TAOK3: variants seen among roughly 807,000 people sequenced by gnomAD.
The protein encoded by TAOK3 is TAO kinase 3.
TAOK3 carries 40 observed loss-of-function variants against 120.4 expected under a neutral mutation model. That is an observed-to-expected ratio of 0.33 (90% CI 0.26 to 0.43). TAOK3 has a LOEUF of 0.43. Ranked by LOEUF, TAOK3 falls within the 20% of genes least tolerant of loss-of-function variation. The pLI is 1.00. For synonymous variants in TAOK3, 355 were observed against 387.5 expected, an observed-to-expected ratio of 0.92 and a Z score of 0.99; for missense variants, 821 against 1,112.1, an observed-to-expected ratio of 0.74 and a Z score of 3.72.
intron 1 of TAOK3, among the ~76,000 whole-genome samples, chr12:118,279,835 C>T (rs1307263799): frequency 5.3e-5 from 8 of 150,808 alleles, no homozygotes; most frequent in Admixed American, 3.3e-4. Context: ...CTTTGATCTC[C>T]GCTTACTGCA....
intron 1 of TAOK3, among the ~76,000 whole-genome samples, chr12:118,308,338 CG>C (rs1436351427): frequency 2.6e-5 from 4 of 151,852 alleles, no homozygotes; most frequent in African/African-American, 9.7e-5. Flanking sequence ...AGCAACCCCC[CG>C]GGGCTGCTCT....
At chr12:118,197,805 A>G (rs772205121) in intron 13 of TAOK3, among the ~76,000 whole-genome samples, 21 of 145,870 alleles carry the variant, frequency 1.4e-4, no homozygotes, top group Non-Finnish European at 1.2e-4. Flanking sequence ...CTCCTGCCTC[A>G]GCCTCCCGAG....
chr12:118,305,860 G>A (rs1181284614), intron 1 of TAOK3, among the ~76,000 whole-genome samples: 2 of 142,474 alleles, frequency 1.4e-5, no homozygotes, highest in Non-Finnish European at 3.0e-5. Context: ...CTGAGATCAC[G>A]CCACTGCACT....
intron 3 of TAOK3, among the ~76,000 whole-genome samples, chr12:118,245,427 C>T (rs562706119): frequency 1.3e-5 from 2 of 152,272 alleles, no homozygotes; most frequent in South Asian, 4.1e-4. Context: ...AGCTATTCTC[C>T]TGCTTCAGCC....
At chr12:118,304,315 T>C (rs2042975242) in intron 1 of TAOK3, among the ~76,000 whole-genome samples, 1 of 152,142 alleles carries the variant, frequency 6.6e-6, no homozygotes, top group South Asian at 2.1e-4. Flanking sequence ...TCTCATTTAG[T>C]GATATTTCTC....
At chr12:118,257,112 C>A (rs1256667399) in intron 2 of TAOK3, among the ~76,000 whole-genome samples, 1 of 152,126 alleles carries the variant, frequency 6.6e-6, no homozygotes, top group East Asian at 1.9e-4. Flanking sequence ...CTTTGATGGG[C>A]TAAACTACTT....
intron 1 of TAOK3, among the ~76,000 whole-genome samples, chr12:118,369,004 G>GAAAAAAAAA (rs975694288): frequency 1.9e-4 from 13 of 69,282 alleles, no homozygotes; most frequent in East Asian, 3.6e-4. Context: ...ACTAAAAATA[G>GAAAAAAAAA]AAAAAAAAAA....
intron 9 of TAOK3, among the ~76,000 whole-genome samples, chr12:118,222,292 T>C (rs1593207797): frequency 6.6e-6 from 1 of 152,218 alleles, no homozygotes; most frequent in East Asian, 1.9e-4. Context: ...CCCAGCACTT[T>C]GGGAGGCCAA....
intron 5 of TAOK3, among the ~76,000 whole-genome samples, chr12:118,242,150 T>G (rs1040438058): frequency 9.9e-5 from 15 of 152,108 alleles, no homozygotes; most frequent in Non-Finnish European, 2.1e-4. Context: ...TCTGAAGACT[T>G]GAAATACATG....
intron 1 of TAOK3, among the ~76,000 whole-genome samples, chr12:118,356,056 T>C (rs1376338829): frequency 1.3e-5 from 2 of 152,174 alleles, no homozygotes; most frequent in Non-Finnish European, 2.9e-5. Flanking sequence ...CTGCTGATCA[T>C]GTAAAAGAAT....
intron 1 of TAOK3, among the ~76,000 whole-genome samples, chr12:118,308,016 G>A (rs151220610): frequency 6.7e-6 from 1 of 149,182 alleles, no homozygotes; most frequent in Non-Finnish European, 1.5e-5. Flanking sequence ...AGTTATATCT[G>A]TAAATGTAAG....
At chr12:118,341,585 T>C (rs1187360306) in intron 1 of TAOK3, among the ~76,000 whole-genome samples, 2 of 152,236 alleles carry the variant, frequency 1.3e-5, no homozygotes, top group Non-Finnish European at 2.9e-5. Context: ...TACAAATGTA[T>C]GGACACATGA....
At chr12:118,258,540 C>T (rs1458355829) in intron 2 of TAOK3, among the ~76,000 whole-genome samples, 3 of 151,962 alleles carry the variant, frequency 2.0e-5, no homozygotes, top group Non-Finnish European at 4.4e-5. Context: ...GGTAAAACCC[C>T]ATCTCTACTA....
intron 13 of TAOK3, among the ~76,000 whole-genome samples, chr12:118,193,046 G>GTTT (rs1319064230): frequency 3.2e-4 from 32 of 99,710 alleles, no homozygotes; most frequent in African/African-American, 4.0e-4. Flanking sequence ...TTACCACGTT[G>GTTT]TTGTTTTTTT....
chr12:118,296,316 T>A (rs2042678956), intron 1 of TAOK3, among the ~76,000 whole-genome samples: 1 of 152,146 alleles, frequency 6.6e-6, no homozygotes, highest in Admixed American at 6.5e-5. Flanking sequence ...GTATTTTTCG[T>A]AGAGACAGGG....
At position 118,189,834 on chromosome 12, in the gene TAOK3, G is replaced by A; in HGVS notation, c.1302C>T (p.Arg434=). 4 of 1,614,210 alleles carry A rather than the reference G, an allele frequency of 2.5e-6. No individual in the cohort carries two copies. Among genetic ancestry groups the A allele is most frequent in the Non-Finnish European group, 3.4e-6 (4 of 1,180,034 alleles). The stretch of plus-strand genomic sequence containing the variant: ...AAGATGCTGATTTGATCGTGGCAAA[G>A]CGCTCTCTGTTCCGGTAGTGGAGGG... ...SQALHYRNRE[R]FATIKSASLV... Residue 434 remains arginine (R), a synonymous_variant, in exon 14 of 21, where the codon CGC becomes CGT. Coordinates refer to ENST00000392533, the MANE Select transcript of TAOK3 (RefSeq NM_016281.4).
chr12:118,344,525 C>T (rs1330837242), intron 1 of TAOK3, among the ~76,000 whole-genome samples: 1 of 151,974 alleles, frequency 6.6e-6, no homozygotes, highest in Non-Finnish European at 1.5e-5. Flanking sequence ...ATCAACAATA[C>T]CACTTTACAG....
rs992956792 is a variant in TAOK3 at position 118,353,548 on chromosome 12, C to T, written c.-194+19100G>A. On this transcript the variant is annotated intron_variant, in intron 1 of 20. Coordinates refer to ENST00000392533, the MANE Select transcript of TAOK3 (RefSeq NM_016281.4). ...GAAAACAGGGAACCACTGAAGCTCTCTGAAAAGGGAGTGACATGCTAGAAG... is the reference window on the plus strand; with the variant it reads ...GAAAACAGGGAACCACTGAAGCTCTTTGAAAAGGGAGTGACATGCTAGAAG... 7.9e-5 allele frequency among the ~76,000 whole-genome samples: 12 copies of T among 152,068 alleles called. No individual in the cohort carries two copies. In the South Asian group the frequency reaches 8.3e-4, roughly 11 times the overall value.
intron 1 of TAOK3, among the ~76,000 whole-genome samples, chr12:118,338,450 T>C (rs2044455904): frequency 6.6e-6 from 1 of 152,178 alleles, no homozygotes; most frequent in African/African-American, 2.4e-5. Context: ...AAGGGATGAT[T>C]ACCACCAAAT....
Sources: allele counts gnomAD v4.1 joint callset (sites outside exome capture counted in the v4.1 genomes callset), GRCh38; gene constraint gnomAD v4.1.1; transcripts MANE v1.5; gene names NCBI Gene and HGNC (gene_info 2026-07-23, HGNC 2026-07-21).